Variants in AFG2A observed in about 807,000 individuals in gnomAD.
The protein encoded by AFG2A is ATPase family gene 2 protein homolog A.
the AFG2A span, among the ~76,000 whole-genome samples, chr4:123,180,499 A>G: frequency 6.6e-6 from 1 of 152,140 alleles, no homozygotes; most frequent in African/African-American, 2.4e-5. Context: ...TTTTGTGAGG[A>G]GGGAATTATA....
chr4:123,107,177 T>C, the AFG2A span, among the ~76,000 whole-genome samples: 1 of 152,182 alleles, frequency 6.6e-6, no homozygotes, highest in Non-Finnish European at 1.5e-5. Context: ...GCAACTCTTC[T>C]CCTTCTCATC....
chr4:122,978,508 G>A, the AFG2A span, among the ~76,000 whole-genome samples: 1 of 152,194 alleles, frequency 6.6e-6, no homozygotes, highest in Non-Finnish European at 1.5e-5. Flanking sequence ...TAAGTTCTTG[G>A]TCTCAGCTGC....
At chr4:123,208,409 A>G in the AFG2A span, among the ~76,000 whole-genome samples, 1 of 152,326 alleles carries the variant, frequency 6.6e-6, no homozygotes, top group East Asian at 1.9e-4. Flanking sequence ...CACCAAAAGC[A>G]CAAGGAAGGA....
chr4:123,033,982 C>T, the AFG2A span, among the ~76,000 whole-genome samples: 2 of 152,090 alleles, frequency 1.3e-5, no homozygotes, highest in African/African-American at 2.4e-5. Flanking sequence ...AATGGTGAAA[C>T]CTGACAAGCC....
chr4:123,277,903 A>C, the AFG2A span, among the ~76,000 whole-genome samples: 1 of 152,106 alleles, frequency 6.6e-6, no homozygotes, highest in Admixed American at 6.6e-5. Context: ...TTTTGTATCG[A>C]TGTCTATCAA....
the AFG2A span, among the ~76,000 whole-genome samples, chr4:123,302,958 C>G: frequency 6.6e-6 from 1 of 152,174 alleles, no homozygotes; most frequent in Non-Finnish European, 1.5e-5. Flanking sequence ...TCCCCAGTGT[C>G]TGCTTCCTTG....
At chr4:122,951,641 C>T in the AFG2A span, among the ~76,000 whole-genome samples, 1 of 152,176 alleles carries the variant, frequency 6.6e-6, no homozygotes. Context: ...CACAGGACTG[C>T]TGGGTCTGGC....
At chr4:122,947,577 TAATG>T in the AFG2A span, 2 of 1,310,954 alleles carry the variant, frequency 1.5e-6, no homozygotes, top group East Asian at 2.7e-5. Context: ...ACAGATTTCT[TAATG>T]GAAGTAGCTT....
chr4:122,945,140 G>A, the AFG2A span, among the ~76,000 whole-genome samples: 27 of 152,344 alleles, frequency 1.8e-4, no homozygotes, highest in South Asian at 5.6e-3. Context: ...CCAGCTGCGT[G>A]CTGGGAGAAC....
At chr4:123,181,024 A>G in the AFG2A span, among the ~76,000 whole-genome samples, 118,112 of 144,974 alleles carry the variant, frequency 0.81, 48,440 homozygotes, top group Non-Finnish European at 0.86. Context: ...TCACTCTGTC[A>G]CCCAGGCTGG....
At chr4:122,961,929 G>A in the AFG2A span, among the ~76,000 whole-genome samples, 1 of 152,176 alleles carries the variant, frequency 6.6e-6, no homozygotes, top group African/African-American at 2.4e-5. Context: ...GTCCAATTCA[G>A]TGGTCCCCAA....
chr4:123,231,879 C>T, the AFG2A span, among the ~76,000 whole-genome samples: 2 of 152,008 alleles, frequency 1.3e-5, no homozygotes, highest in South Asian at 2.1e-4. Flanking sequence ...TCAGAATACA[C>T]ACAACATTTG....
At chr4:123,319,215 A>G in the AFG2A span, 1 of 152,226 alleles carries the variant, frequency 6.6e-6, no homozygotes, top group South Asian at 2.1e-4. Flanking sequence ...ACTTGAACAT[A>G]TGTTTAATTT....
the AFG2A span, among the ~76,000 whole-genome samples, chr4:122,979,663 G>A: frequency 6.6e-6 from 1 of 152,184 alleles, no homozygotes; most frequent in Non-Finnish European, 1.5e-5. Flanking sequence ...AGCACTTTGG[G>A]AGGCTGAGGT....
At chr4:123,126,567 A>G in the AFG2A span, among the ~76,000 whole-genome samples, 1 of 152,132 alleles carries the variant, frequency 6.6e-6, no homozygotes, top group Non-Finnish European at 1.5e-5. Flanking sequence ...ACCTGGTGGG[A>G]GGTAATTGAA....
chr4:123,039,833 A>G, the AFG2A span, among the ~76,000 whole-genome samples: 1 of 152,044 alleles, frequency 6.6e-6, no homozygotes, highest in Non-Finnish European at 1.5e-5. Context: ...AAACATTAAG[A>G]ACGTTCATTC....
the AFG2A span, among the ~76,000 whole-genome samples, chr4:123,079,950 C>T: frequency 5.9e-5 from 9 of 151,780 alleles, no homozygotes; most frequent in Admixed American, 1.3e-4. Flanking sequence ...GGGGTTTCAC[C>T]GTGTTAGCCA....
At chr4:123,318,863 A>C in the AFG2A span, 1 of 152,222 alleles carries the variant, frequency 6.6e-6, no homozygotes, top group African/African-American at 2.4e-5. Flanking sequence ...AAGCTCAGCA[A>C]GGAAAGAAAA....
the AFG2A span, among the ~76,000 whole-genome samples, chr4:123,115,189 C>T: frequency 1.3e-5 from 2 of 152,064 alleles, no homozygotes; most frequent in African/African-American, 2.4e-5. Flanking sequence ...CCTGTGGACC[C>T]GGCTCTCGGT....
Sources: allele counts gnomAD v4.1 joint callset (sites outside exome capture counted in the v4.1 genomes callset), GRCh38; gene constraint gnomAD v4.1.1; transcripts MANE v1.5; gene names NCBI Gene and HGNC (gene_info 2026-07-23, HGNC 2026-07-21).